The following CNTN3 variants were observed in gnomAD, a reference collection of about 807,000 sequenced individuals.
CNTN3 encodes contactin 3.
Under a neutral mutation model 119.1 loss-of-function variants are expected in CNTN3, and 60 were observed. That is an observed-to-expected ratio of 0.50 (90% CI 0.41 to 0.62). The LOEUF is 0.62. Among genes scored for constraint, CNTN3 ranks in the 20% least tolerant of loss-of-function variants. The pLI is 0.00. For synonymous variants in CNTN3, 450 were observed against 438.7 expected, an observed-to-expected ratio of 1.03 and a Z score of -0.32; for missense variants, 1,101 against 1,242.4, an observed-to-expected ratio of 0.89 and a Z score of 1.71.
Position 74,301,652 on chromosome 3 carries a change from G to A in CNTN3, c.1940C>T (p.Thr647Ile). ...TPFSVGWQTV[T>I]TVPEVIDGKT... ...ATCTGCCTCTCCTGCTTTACCTGTT[G>A]TGACGGTTTGCCAACCCACGGAGAA... is the stretch of plus-strand genomic sequence containing the variant. The change falls in exon 15 of 23, where the codon ACA becomes ATA. Residue 647 changes from threonine (T) to isoleucine (I), a missense_variant. Transcript: ENST00000263665. 1 of 1,613,990 alleles carries A rather than the reference G, an allele frequency of 6.2e-7. No individual in the cohort carries two copies. Among genetic ancestry groups the A allele is most frequent in the Non-Finnish European group, 8.5e-7 (1 of 1,179,952 alleles).
At chr3:74,366,780 G>GTGTGTGTATATATATA (rs1447686332) in intron 8 of CNTN3, among the ~76,000 whole-genome samples, 2 of 63,714 alleles carry the variant, frequency 3.1e-5, no homozygotes, top group African/African-American at 1.7e-4. Flanking sequence ...GTGTGTGTGT[G>GTGTGTGTATATATATA]TATATATATA....
chr3:74,380,575 A>G (rs1704590122), intron 5 of CNTN3, among the ~76,000 whole-genome samples: 1 of 152,212 alleles, frequency 6.6e-6, no homozygotes, highest in Non-Finnish European at 1.5e-5. Context: ...CTGCCCTTGC[A>G]AAATGGAAAT....
At chr3:74,381,035 T>C (rs1340535221) in intron 5 of CNTN3, among the ~76,000 whole-genome samples, 2 of 151,812 alleles carry the variant, frequency 1.3e-5, no homozygotes, top group Non-Finnish European at 1.5e-5. Flanking sequence ...AACGACTCCT[T>C]AGAAAGCTGG....
chr3:74,596,622 C>CATA (rs1704815419), intron 1 of CNTN3, among the ~76,000 whole-genome samples: 1 of 152,078 alleles, frequency 6.6e-6, no homozygotes, highest in Non-Finnish European at 1.5e-5. Flanking sequence ...GCTGGGAAAA[C>CATA]TGGCTAGCCA....
rs772605659 is a variant in CNTN3, at chr3:74,369,227, C to G, written c.908G>C (p.Arg303Pro). 4 of 1,607,746 alleles carry G rather than the reference C, an allele frequency of 2.5e-6. No homozygotes were observed. Among genetic ancestry groups the G allele is most frequent in the Non-Finnish European group, 3.4e-6 (4 of 1,177,188 alleles). The stretch of plus-strand genomic sequence containing the variant: ...ACGCCCTCTGGCAACATTTTTTCCT[C>G]GTGAATTCTCAGCAATGCATTCATA... Reference protein sequence around the residue: ...GSYECIAENSRGKNVARGRLT... With the variant: ...GSYECIAENSPGKNVARGRLT... Residue 303 changes from arginine (R) to proline (P), a missense_variant, in exon 8 of 23, where the codon CGA becomes CCA. Arg to Pro is a moderately radical substitution (Grantham distance 103, BLOSUM62 -2). Transcript: ENST00000263665.
chr3:74,469,696 T>A (rs907013483), intron 4 of CNTN3, among the ~76,000 whole-genome samples: 4 of 152,020 alleles, frequency 2.6e-5, no homozygotes, highest in Non-Finnish European at 5.9e-5. Flanking sequence ...AGACAAACAA[T>A]AACAAATGTT....
chr3:74,339,885 T>C (rs1252270531), intron 11 of CNTN3, among the ~76,000 whole-genome samples: 10 of 139,014 alleles, frequency 7.2e-5, no homozygotes, highest in East Asian at 4.1e-4. Flanking sequence ...TGTGAACTAA[T>C]TGGATACAGA....
chr3:74,455,052 C>A (rs1404937723), intron 4 of CNTN3, among the ~76,000 whole-genome samples: 1 of 152,208 alleles, frequency 6.6e-6, no homozygotes, highest in East Asian at 1.9e-4. Context: ...GAATGTTGGC[C>A]TGCCTTGCTA....
At chr3:74,370,677 A>T (rs1307806529) in intron 6 of CNTN3, among the ~76,000 whole-genome samples, 1 of 152,080 alleles carries the variant, frequency 6.6e-6, no homozygotes. Flanking sequence ...TGGGTCAACT[A>T]CCCAGGCTTA....
chr3:74,378,464 T>C (rs894791390), intron 5 of CNTN3, among the ~76,000 whole-genome samples: 1 of 152,218 alleles, frequency 6.6e-6, no homozygotes, highest in Non-Finnish European at 1.5e-5. Context: ...TTTAGGATAC[T>C]ACCAAGTCTG....
chr3:74,425,639 T>C (rs771649324), intron 4 of CNTN3, among the ~76,000 whole-genome samples: 10 of 152,180 alleles, frequency 6.6e-5, no homozygotes, highest in Non-Finnish European at 1.0e-4. Flanking sequence ...GACTTTCACA[T>C]TCACCAGTGA....
chr3:74,573,923 G>A (rs1704373275), intron 1 of CNTN3, among the ~76,000 whole-genome samples: 1 of 152,100 alleles, frequency 6.6e-6, no homozygotes, highest in Non-Finnish European at 1.5e-5. Context: ...GAGTTACTAT[G>A]TGACCAAGCA....
Position 74,451,918 on chromosome 3 carries a change from C to A in CNTN3, c.359-26978G>T, listed in dbSNP as rs1575738939. Among the ~76,000 whole-genome samples the A allele has an allele frequency of 5.5e-5, 7 of 127,294 alleles. No homozygotes were observed. The South Asian group carries it at 1.4e-3, about 26-fold the overall frequency. The allele number at this position is 127,294 out of a possible 152,430, so 83.5% of individuals were successfully genotyped here. A position where few individuals can be genotyped will look rare whatever the true frequency, so the allele number is the denominator to read the frequency against. On this transcript the variant is annotated intron_variant, in intron 4 of 22. Coordinates refer to ENST00000263665, the MANE Select transcript of CNTN3 (RefSeq NM_020872.3). ...TACCATGCTGTTTTGGTTACTGTAGCCTTGTAGTATAGTTTGAAGTCAGGT... is the reference window on the plus strand; with the variant it reads ...TACCATGCTGTTTTGGTTACTGTAGACTTGTAGTATAGTTTGAAGTCAGGT...
chr3:74,594,978 T>G (rs1271285325), intron 1 of CNTN3, among the ~76,000 whole-genome samples: 1 of 152,194 alleles, frequency 6.6e-6, no homozygotes, highest in South Asian at 2.1e-4. Context: ...GACTTTTGAA[T>G]GATCACCATT....
intron 1 of CNTN3, among the ~76,000 whole-genome samples, chr3:74,589,921 C>T (rs1247974601): frequency 7.6e-6 from 1 of 132,300 alleles, no homozygotes; most frequent in Non-Finnish European, 1.5e-5. Flanking sequence ...AACACATGGA[C>T]ACAGGAAGGG....
In CNTN3 at chr3:74,361,949, G is replaced by A. The variant is rs766891707; in HGVS notation, c.1305C>T (p.Ala435=). The change falls in exon 11 of 23, where the codon GCC becomes GCT. Residue 435 remains alanine (A), a synonymous_variant. Coordinates refer to ENST00000263665, the MANE Select transcript of CNTN3 (RefSeq NM_020872.3). ...TCCAGGAAGAGAGTGCCCTTGGGGA[G>A]GCTCTGGGTTTACAATCCAAGCTGA... ...SLVSLDCKPR[A]SPRALSSWKK... 3 of 1,613,774 alleles carry A rather than the reference G, an allele frequency of 1.9e-6. No individual in the cohort carries two copies. Among genetic ancestry groups the A allele is most frequent in the Non-Finnish European group, 1.7e-6 (2 of 1,179,808 alleles).
chr3:74,415,725 A>G (rs1701508662), intron 5 of CNTN3, among the ~76,000 whole-genome samples: 1 of 152,158 alleles, frequency 6.6e-6, no homozygotes, highest in South Asian at 2.1e-4. Context: ...CCTGCAGGCC[A>G]GGCAGTCTTT....
chr3:74,292,265 T>C (rs1208968185), intron 19 of CNTN3, among the ~76,000 whole-genome samples: 1 of 152,168 alleles, frequency 6.6e-6, no homozygotes, highest in Non-Finnish European at 1.5e-5. Context: ...GACTGTTTAT[T>C]ATGATGAGCC....
chr3:74,383,900 G>A (rs1704683738), intron 5 of CNTN3, among the ~76,000 whole-genome samples: 1 of 152,176 alleles, frequency 6.6e-6, no homozygotes, highest in African/African-American at 2.4e-5. Flanking sequence ...ACAGTTCACT[G>A]AGGCAGATAG....
Sources: allele counts gnomAD v4.1 joint callset (sites outside exome capture counted in the v4.1 genomes callset), GRCh38; gene constraint gnomAD v4.1.1; transcripts MANE v1.5; gene names NCBI Gene and HGNC (gene_info 2026-07-23, HGNC 2026-07-21).